The following HADHB variants were observed in gnomAD, a reference collection of about 807,000 sequenced individuals.
HADHB encodes hydroxyacyl-CoA dehydrogenase trifunctional multienzyme complex subunit beta, also known as trifunctional enzyme subunit beta, mitochondrial.
Under a neutral mutation model 61.9 loss-of-function variants are expected in HADHB, and 50 were observed. That is an observed-to-expected ratio of 0.81 (90% confidence interval 0.64 to 1.02). The LOEUF (loss-of-function observed/expected upper bound fraction) is 1.02, where lower values mean the gene tolerates loss of function less well. Ranked by LOEUF, HADHB falls within the 50% of genes least tolerant of loss-of-function variation. HADHB has a pLI of 0.00. For missense variants in HADHB, 504 were observed against 586.5 expected (o/e 0.86, Z 1.45); for synonymous variants, 191 against 201.6 (o/e 0.95, Z 0.45).
intron 1 of HADHB, among the ~76,000 whole-genome samples, chr2:26,251,482 C>G (rs1671395299): frequency 6.6e-6 from 1 of 152,204 alleles, no homozygotes. Flanking sequence ...GCCTCTGTGC[C>G]TGGCCTAGAA....
chr2:26,261,212 A>ACC lies in HADHB; in HGVS notation c.110-2159_110-2158dup, dbSNP rs70950178. The ACC allele has an allele frequency of 0.31, 110,932 of 363,442 alleles. 12,161 individuals are homozygous for ACC. Among genetic ancestry groups the ACC allele is most frequent in the African/African-American group, 0.34 (15,392 of 45,020 alleles). The allele number at this position is 363,442 out of a possible 1,614,324, so 22.5% of individuals were successfully genotyped here. A position where few individuals can be genotyped will look rare whatever the true frequency, so the allele number is the denominator to read the frequency against. Reference sequence around the variant, plus strand: ...CCAAAACAACAACAACACAACAAATACCCCCCCCCCATCCAGACAAACAAA... The same window carrying ACC: ...CCAAAACAACAACAACACAACAAATACCCCCCCCCCCCATCCAGACAAACAAA... On this transcript the variant is annotated intron_variant, in intron 3 of 15. Coordinates refer to ENST00000317799, the MANE Select transcript of HADHB (RefSeq NM_000183.3).
intron 15 of HADHB, among the ~76,000 whole-genome samples, chr2:26,285,827 TC>T (rs1439705216): frequency 6.9e-6 from 1 of 145,322 alleles, no homozygotes; most frequent in East Asian, 2.0e-4. Flanking sequence ...AACCTCCACT[TC>T]CCGGATTCAG....
At position 26,245,263 on chromosome 2, in the gene HADHB, G is replaced by T. The variant is rs535343491; in HGVS notation, c.-9+273G>T. 7.6e-3 allele frequency: 1,281 copies of T among 168,044 alleles called. 11 individuals carry two copies. Among genetic ancestry groups the T allele is most frequent in the African/African-American group, 0.021 (878 of 41,462 alleles). The allele number at this position is 168,044 out of a possible 1,614,324, so 10.4% of individuals were successfully genotyped here. A position where few individuals can be genotyped will look rare whatever the true frequency, so the allele number is the denominator to read the frequency against. ...AGTTAACGAAGTCTGGGGGTGTGGG[G>T]GTGTGTGTGTGTGTGTGGGTGTGTG... is the stretch of plus-strand genomic sequence containing the variant. On this transcript the variant is annotated intron_variant, in intron 1 of 15. Coordinates refer to ENST00000317799, the MANE Select transcript of HADHB (RefSeq NM_000183.3).
chr2:26,261,052 G>A (rs1181933708), intron 3 of HADHB: 1 of 1,474,012 alleles, frequency 6.8e-7, no homozygotes. Flanking sequence ...CTCCTATATG[G>A]ATGGATCATT....
At chr2:26,271,276 G>A (rs1288818430) in intron 5 of HADHB, among the ~76,000 whole-genome samples, 1 of 151,394 alleles carries the variant, frequency 6.6e-6, no homozygotes, top group African/African-American at 2.4e-5. Flanking sequence ...GGGAGGCTGA[G>A]GTGGGCAGAT....
chr2:26,278,525 C>A, intron 7 of HADHB, 89 bp from the exon 8 acceptor site: 1 of 1,082,872 alleles, frequency 9.2e-7, no homozygotes, highest in Non-Finnish European at 1.4e-6. Context: ...TGATAACTGT[C>A]ATTCAGCTTT....
In HADHB at chr2:26,271,464, G is replaced by A. The variant is rs1244397852; in HGVS notation, c.254+1467G>A. Among the ~76,000 whole-genome samples, 5 of 151,854 alleles carry A rather than the reference G, an allele frequency of 3.3e-5. No individual in the cohort carries two copies. The East Asian group carries it at 7.8e-4, about 24-fold the overall frequency. On this transcript the variant is annotated intron_variant, in intron 5 of 15. Transcript: ENST00000317799. Reference sequence around the variant, plus strand: ...AGAGGTTGCAGTGAGCCGAGATCACGCCATTGCACTCCAGCCTGGGCAACA... The same window carrying A: ...AGAGGTTGCAGTGAGCCGAGATCACACCATTGCACTCCAGCCTGGGCAACA...
intron 12 of HADHB, 141 bp downstream of exon 12, chr2:26,283,192 G>T: frequency 1.4e-6 from 1 of 720,764 alleles, no homozygotes. Context: ...TAAGCCCTGA[G>T]TTCATAATTG....
rs1574663511 is a variant in HADHB, at chr2:26,279,225, C to G, written c.721C>G (p.Gln241Glu). Residue 241 changes from glutamine (Q) to glutamate (E), a missense_variant, in exon 9 of 16, where the codon CAG (glutamine) becomes GAG (glutamate). Physicochemically the swap from Gln to Glu is conservative, Grantham distance 29 (BLOSUM62 2). Coordinates refer to ENST00000317799, the MANE Select transcript of HADHB (RefSeq NM_000183.3). ...TGCCTTTGCTGTTTCTCGGCTGGAACAGGATGAATATGCACTGCGCTCTCA... is the reference window on the plus strand; with the variant it reads ...TGCCTTTGCTGTTTCTCGGCTGGAAGAGGATGAATATGCACTGCGCTCTCA... ...AAAFAVSRLE[Q>E]DEYALRSHSL... 1.9e-6 allele frequency: 3 copies of G among 1,613,360 alleles called. No individual in the cohort carries two copies. Among genetic ancestry groups the G allele is most frequent in the Non-Finnish European group, 2.5e-6 (3 of 1,179,348 alleles).
At chr2:26,286,866 A>G (rs1673056935) in intron 15 of HADHB, among the ~76,000 whole-genome samples, 1 of 145,402 alleles carries the variant, frequency 6.9e-6, no homozygotes, top group Non-Finnish European at 1.5e-5. Flanking sequence ...CTTCCTCTAG[A>G]TTACAGAAAC....
At chr2:26,250,640 C>A (rs922294206) in intron 1 of HADHB, among the ~76,000 whole-genome samples, 3 of 150,758 alleles carry the variant, frequency 2.0e-5, no homozygotes, top group Middle Eastern at 3.2e-3. Flanking sequence ...TTGAGACTAG[C>A]CTGTCTCTAA....
chr2:26,272,120 T>C (rs994439381), intron 5 of HADHB, among the ~76,000 whole-genome samples: 3 of 152,170 alleles, frequency 2.0e-5, no homozygotes, highest in African/African-American at 7.2e-5. Context: ...ATTTATTTCA[T>C]TGTAGCCAAG....
chr2:26,265,485 A>G (rs1672038259), intron 4 of HADHB, among the ~76,000 whole-genome samples: 1 of 152,110 alleles, frequency 6.6e-6, no homozygotes, highest in African/African-American at 2.4e-5. Flanking sequence ...AGTCCCAGCT[A>G]CTTGGGAGGC....
intron 1 of HADHB, among the ~76,000 whole-genome samples, chr2:26,246,021 A>T (rs1411475256): frequency 5.3e-5 from 8 of 152,222 alleles, no homozygotes; most frequent in Non-Finnish European, 5.9e-5. Flanking sequence ...GAGACAGAGT[A>T]GAGAGGTTTC....
chr2:26,260,867 T>C (rs146107025), intron 3 of HADHB: 89 of 626,954 alleles, frequency 1.4e-4, no homozygotes, highest in African/African-American at 9.3e-4. Flanking sequence ...TGCTCACTTA[T>C]GGTTTACAAA....
chr2:26,254,750 G>T, intron 3 of HADHB: 1 of 413,542 alleles, frequency 2.4e-6, no homozygotes, highest in Non-Finnish European at 4.4e-6. Flanking sequence ...TCGTTGGTCA[G>T]TTTATTTATC....
intron 11 of HADHB, 27 bp from the exon 12 acceptor site, chr2:26,282,977 A>G (rs1194902103): frequency 8.7e-6 from 14 of 1,603,968 alleles, no homozygotes; most frequent in Non-Finnish European, 1.2e-5. Flanking sequence ...TTATTACCAA[A>G]GCTCACCTCT....
chr2:26,254,446 C>T lies in HADHB; in HGVS notation c.81C>T (p.Ser27=). Residue 27 remains serine, a synonymous_variant, in exon 3 of 16, where the codon AGC becomes AGT. Coordinates refer to ENST00000317799, the MANE Select transcript of HADHB (RefSeq NM_000183.3). Reference sequence around the variant, plus strand: ...GTCTTCCAGCCATAAGACCTCTGAGCTGTTCCTCCCAGCTACGAGCTGCCC... The same window carrying T: ...GTCTTCCAGCCATAAGACCTCTGAGTTGTTCCTCCCAGCTACGAGCTGCCC... ...WALRFSIRPL[S]CSSQLRAAPA... 1.2e-6 allele frequency: 2 copies of T among 1,604,852 alleles called. No individual in the cohort carries two copies. The highest frequency in any genetic ancestry group is 1.7e-6 in the Non-Finnish European group (2 of 1,171,586).
intron 3 of HADHB, chr2:26,261,133 C>T (rs1433007832): frequency 5.5e-5 from 44 of 805,942 alleles, no homozygotes; most frequent in Non-Finnish European, 9.1e-5. Flanking sequence ...ATGGCTTCCC[C>T]TTTGGCAGGG....
Sources: allele counts gnomAD v4.1 joint callset (sites outside exome capture counted in the v4.1 genomes callset), GRCh38; gene constraint gnomAD v4.1.1; transcripts MANE v1.5; gene names NCBI Gene and HGNC (gene_info 2026-07-23, HGNC 2026-07-21).